PXDC1: variants seen among roughly 807,000 people sequenced by gnomAD.
PXDC1 encodes the protein PX domain-containing protein 1.
In PXDC1, 13 loss-of-function variants were observed where a neutral mutation model predicts 24.4. The ratio of observed to expected loss-of-function variants is 0.53; its 90% CI spans 0.35 to 0.85. PXDC1 has a LOEUF of 0.85. Among genes scored for constraint, PXDC1 ranks in the 40% least tolerant of loss-of-function variants. The probability of loss-of-function intolerance (pLI) is 0.01; values close to 1 mark genes in which losing one functional copy is unlikely to be tolerated. For synonymous variants in PXDC1, 162 were observed against 124.9 expected (o/e 1.30, Z -1.98); for missense variants, 344 against 309.3 (o/e 1.11, Z -0.84).
chr6:3,726,640 C>T (rs1760074438), intron 4 of PXDC1, among the ~76,000 whole-genome samples: 1 of 152,228 alleles, frequency 6.6e-6, no homozygotes, highest in Admixed American at 6.5e-5. Context: ...ACAGCCCTGC[C>T]GCCCACAGGC....
chr6:3,745,494 G>C (rs149357097), intron 1 of PXDC1, among the ~76,000 whole-genome samples: 3 of 152,228 alleles, frequency 2.0e-5, no homozygotes, highest in Non-Finnish European at 2.9e-5. Flanking sequence ...AACTTGCCTG[G>C]AATGACATGC....
At chr6:3,735,344 A>T (rs1292771897) in intron 3 of PXDC1, among the ~76,000 whole-genome samples, 2 of 152,256 alleles carry the variant, frequency 1.3e-5, no homozygotes, top group Non-Finnish European at 2.9e-5. Flanking sequence ...CCAAGAACAC[A>T]CAACGGAAAC....
intron 1 of PXDC1, among the ~76,000 whole-genome samples, chr6:3,747,385 G>A (rs988036181): frequency 2.3e-4 from 35 of 152,080 alleles, no homozygotes; most frequent in African/African-American, 7.2e-4. Flanking sequence ...ACAGCAGCCC[G>A]AGTTTGAGTC....
At chr6:3,738,209 G>A in intron 1 of PXDC1, 61 bp from the exon 2 acceptor site, 4 of 1,273,240 alleles carry the variant, frequency 3.1e-6, no homozygotes, top group Non-Finnish European at 4.6e-6. Flanking sequence ...CGCTCCCAAT[G>A]CAATACACAA....
Position 3,737,975 on chromosome 6 carries a change from C to G in PXDC1, c.348+82G>C. On this transcript the variant is annotated intron_variant, in intron 2 of 4. Coordinates refer to ENST00000380283, the MANE Select transcript of PXDC1 (RefSeq NM_183373.4). This position sits in a 1 kb window ranked among gnomAD's most constrained non-coding sequence, Gnocchi z 5.5. ...AGACAGAGCAAGCAAGTCAACCCTC[C>G]GGGGGGATGGACGCCTTTCGCATTT... 8.6e-7 allele frequency: 1 copy of G among 1,166,204 alleles called. No homozygotes were observed. The highest frequency in any genetic ancestry group is 1.3e-5 in the South Asian group (1 of 79,090). The allele number at this position is 1,166,204 out of a possible 1,614,324, so 72.2% of individuals were successfully genotyped here. A position where few individuals can be genotyped will look rare whatever the true frequency, so the allele number is the denominator to read the frequency against.
intron 1 of PXDC1, among the ~76,000 whole-genome samples, chr6:3,740,594 CAG>C (rs1204746278): frequency 2.6e-5 from 4 of 152,214 alleles, no homozygotes; most frequent in Admixed American, 1.3e-4. Context: ...GTTGGGCGTG[CAG>C]ACTCTTCATG....
rs142313050 is a variant in PXDC1, at chr6:3,737,669, G to A, written c.348+388C>T. On this transcript the variant is annotated intron_variant, in intron 2 of 4. Coordinates refer to ENST00000380283, the MANE Select transcript of PXDC1 (RefSeq NM_183373.4). This position sits in a 1 kb window ranked among gnomAD's most constrained non-coding sequence, Gnocchi z 5.5. ...GGGCAACGTGCCCCGCTGTGCTGACGCCAACGTTCTTCTTGGTTTCCACGT... is the reference window on the plus strand; with the variant it reads ...GGGCAACGTGCCCCGCTGTGCTGACACCAACGTTCTTCTTGGTTTCCACGT... 1.9e-3 allele frequency: 1,850 copies of A among 985,394 alleles called. 25 individuals are homozygous for A. The African/African-American group carries it at 0.03, about 16-fold the overall frequency. The allele number at this position is 985,394 out of a possible 1,614,324, so 61.0% of individuals were successfully genotyped here.
rs1759991184 is a variant in PXDC1, at chr6:3,723,645, G to C, written c.670C>G (p.Pro224Ala). The C allele has an allele frequency of 1.2e-6, 2 of 1,614,008 alleles. No individual in the cohort carries two copies. The highest frequency in any genetic ancestry group is 1.3e-5 in the African/African-American group (1 of 74,934). The part of the protein sequence containing the change: ...VTNLSYYHLV[P>A]FETDIWD ...CAGTCCCAAATGTCTGTCTCGAAGG[G>C]GACCAGGTGGTAATATGACAGGTTG... The change falls in exon 5 of 5, where the codon CCC becomes GCC. Residue 224 changes from proline to alanine, a missense_variant. By Grantham distance (27) the Pro-to-Ala change is conservative (BLOSUM62 -1). Transcript: ENST00000380283.
intron 3 of PXDC1, among the ~76,000 whole-genome samples, chr6:3,734,902 T>C (rs1001256517): frequency 6.6e-6 from 1 of 152,004 alleles, no homozygotes; most frequent in East Asian, 1.9e-4. Flanking sequence ...TTGGGAAACA[T>C]GGCAAAACCT....
intron 4 of PXDC1, among the ~76,000 whole-genome samples, chr6:3,726,484 C>T (rs1039096397): frequency 1.3e-5 from 2 of 152,230 alleles, no homozygotes; most frequent in East Asian, 1.9e-4. Context: ...ACCATCTACC[C>T]GGGAGACACA....
chr6:3,737,296 G>T lies in PXDC1; in HGVS notation c.349-100C>A. ...CCCCGCTCCTCCGCAGAGGCAGCCT[G>T]TGTGATGCAAACGCCCCATGAATGT... On this transcript the variant is annotated intron_variant, in intron 2 of 4. Transcript: ENST00000380283. The surrounding 1 kb of genome is among the most constrained non-coding windows in gnomAD (Gnocchi z 5.5). The T allele has an allele frequency of 1.2e-6, 1 of 827,354 alleles. No individual in the cohort carries two copies. Among genetic ancestry groups the T allele is most frequent in the Non-Finnish European group, 2.0e-6 (1 of 493,596 alleles). The allele number at this position is 827,354 out of a possible 1,614,324, so 51.3% of individuals were successfully genotyped here. A position where few individuals can be genotyped will look rare whatever the true frequency, so the allele number is the denominator to read the frequency against.
chr6:3,751,316 G>T lies in PXDC1; in HGVS notation c.216C>A (p.Pro72=), dbSNP rs758539503. The T allele has an allele frequency of 1.9e-6, 3 of 1,547,784 alleles. No homozygotes were observed. The highest frequency in any genetic ancestry group is 1.7e-6 in the Non-Finnish European group (2 of 1,151,968). ...RLWQRLRDAF[P]EDRSELAQGP... is the part of the protein sequence containing the mutation. ...CCTGCGCCAGTTCGGACCGGTCCTC[G>T]GGAAAGGCGTCGCGCAGGCGCTGCC... Residue 72 remains proline, a synonymous_variant, in exon 1 of 5, where the codon CCC becomes CCA. Coordinates refer to ENST00000380283, the MANE Select transcript of PXDC1 (RefSeq NM_183373.4).
chr6:3,727,077 G>GC, intron 4 of PXDC1, among the ~76,000 whole-genome samples: 1 of 152,366 alleles, frequency 6.6e-6, no homozygotes, highest in East Asian at 1.9e-4. Flanking sequence ...GCTCTCTAGA[G>GC]CATGTGTTAC....
At chr6:3,745,448 C>T (rs1457934068) in intron 1 of PXDC1, among the ~76,000 whole-genome samples, 2 of 152,268 alleles carry the variant, frequency 1.3e-5, no homozygotes, top group African/African-American at 4.8e-5. Flanking sequence ...GATATTATTA[C>T]TGCTATAGCA....
chr6:3,727,321 T>G (rs954707771), intron 4 of PXDC1, among the ~76,000 whole-genome samples: 1 of 152,050 alleles, frequency 6.6e-6, no homozygotes, highest in Non-Finnish European at 1.5e-5. Flanking sequence ...CCCTGCAACG[T>G]CTCCTAAATG....
intron 1 of PXDC1, among the ~76,000 whole-genome samples, chr6:3,746,566 G>T (rs540222830): frequency 6.6e-6 from 1 of 152,252 alleles, no homozygotes; most frequent in Non-Finnish European, 1.5e-5. Context: ...GGTGAATTCT[G>T]CACGGGGGTG....
intron 3 of PXDC1, among the ~76,000 whole-genome samples, chr6:3,734,052 C>T (rs868111337): frequency 2.6e-5 from 4 of 152,226 alleles, no homozygotes; most frequent in South Asian, 2.1e-4. Context: ...CCATCACACA[C>T]GGAAGGCCAC....
intron 1 of PXDC1, among the ~76,000 whole-genome samples, chr6:3,745,229 CAT>C (rs967051183): frequency 1.3e-5 from 2 of 152,256 alleles, no homozygotes; most frequent in African/African-American, 4.8e-5. Flanking sequence ...AGGGCGGGCA[CAT>C]GAGTGGGCCA....
At chr6:3,747,149 T>C (rs899547450) in intron 1 of PXDC1, among the ~76,000 whole-genome samples, 2 of 151,286 alleles carry the variant, frequency 1.3e-5, no homozygotes, top group Admixed American at 1.3e-4. Context: ...CCATGTCAAC[T>C]CCTCCTGCCG....
Sources: gnomAD v4.1 joint callset for allele counts (sites outside exome capture counted in the v4.1 genomes callset) on GRCh38, gnomAD v4.1.1 for gene constraint, Gnocchi (gnomAD v3.1) non-coding constraint, MANE v1.5 for transcripts, NCBI Gene and HGNC (gene_info 2026-07-23, HGNC 2026-07-21) for gene names.